NECTIN3: variants seen among roughly 807,000 people sequenced by gnomAD.
NECTIN3 encodes the protein nectin cell adhesion molecule 3.
Under a neutral mutation model 49.4 loss-of-function variants are expected in NECTIN3, and 8 were observed. The ratio of observed to expected loss-of-function variants is 0.16; its 90% CI spans 0.10 to 0.29. NECTIN3 has a LOEUF of 0.29. NECTIN3 is among the 10% of genes least tolerant of loss of function. The pLI is 1.00. For missense variants in NECTIN3, 581 were observed against 654.6 expected, an observed-to-expected ratio of 0.89 and a Z score of 1.23; for synonymous variants, 277 against 241.1, an observed-to-expected ratio of 1.15 and a Z score of -1.38.
intron 1 of NECTIN3, among the ~76,000 whole-genome samples, chr3:111,096,876 T>A (rs1377744623): frequency 6.6e-6 from 1 of 152,174 alleles, no homozygotes; most frequent in Non-Finnish European, 1.5e-5. Context: ...GTTGGGGCCC[T>A]CATGGAGAAT....
Position 111,147,437 on chromosome 3 carries a change from C to G in NECTIN3, c.1174C>G (p.Leu392Val), listed in dbSNP as rs942512497. The G allele has an allele frequency of 1.6e-5, 24 of 1,533,418 alleles. 1 individual carries two copies. The highest frequency in any genetic ancestry group is 4.9e-5 in the East Asian group (2 of 40,768). 95.0% of individuals were successfully genotyped at this position (1,533,418 alleles called of 1,614,324 possible). The change falls in exon 7 of 9, where the codon CTG (leucine) becomes GTG (valine). Residue 392 changes from leucine to valine, a missense_variant. By Grantham distance (32) the Leu-to-Val change is conservative. Transcript: ENST00000493615. ...TCCACCCACACATAAACCACCTCCT[C>G]TGTATGAAGAACGATCCCCACCTTT...
intron 7 of NECTIN3, among the ~76,000 whole-genome samples, chr3:111,150,419 C>T (rs1479721724): frequency 6.6e-6 from 1 of 151,808 alleles, no homozygotes; most frequent in Non-Finnish European, 1.5e-5. Flanking sequence ...TATAAGAACA[C>T]ATGTCAGTTT....
chr3:111,137,445 G>T lies in NECTIN3; in HGVS notation c.*3230G>T. 1 of 944,778 alleles carries T rather than the reference G, an allele frequency of 1.1e-6. No homozygotes were observed. The highest frequency in any genetic ancestry group is 1.3e-6 in the Non-Finnish European group (1 of 795,878). The allele number at this position is 944,778 out of a possible 1,614,324, so 58.5% of individuals were successfully genotyped here. The stretch of plus-strand genomic sequence containing the variant: ...GGTTTTGTTGTGTTTGGTGTTTTTT[G>T]TTTTGTTTTGTTTTGTTTTGTTTTT... On this transcript the variant is annotated 3_prime_UTR_variant, in exon 6 of 6. Coordinates refer to ENST00000485303, the MANE Select transcript of NECTIN3 (RefSeq NM_015480.3).
At chr3:111,072,707 T>G (rs1185626059) in intron 1 of NECTIN3, 1 of 884,574 alleles carries the variant, frequency 1.1e-6, no homozygotes, top group African/African-American at 1.7e-5. Context: ...TTCTTCTGTC[T>G]TGTGCCCACT....
At chr3:111,128,305 C>T (rs1468207675) in intron 5 of NECTIN3, among the ~76,000 whole-genome samples, 1 of 144,914 alleles carries the variant, frequency 6.9e-6, no homozygotes, top group African/African-American at 2.6e-5. Context: ...CCATGGATGA[C>T]AGAGCGAAAC....
At chr3:111,149,545 G>A (rs182719165) in intron 7 of NECTIN3, among the ~76,000 whole-genome samples, 9 of 149,596 alleles carry the variant, frequency 6.0e-5, no homozygotes, top group Admixed American at 4.7e-4. Context: ...CCACATTCCT[G>A]TTAGGTTTAC....
intron 2 of NECTIN3, among the ~76,000 whole-genome samples, chr3:111,116,510 A>G (rs989979344): frequency 1.3e-5 from 2 of 152,254 alleles, no homozygotes; most frequent in East Asian, 1.9e-4. Context: ...GAGACTAGAC[A>G]TAAAAGTGTT....
chr3:111,188,121 A>G (rs551018492), upstream of NECTIN3, among the ~76,000 whole-genome samples: 1 of 152,222 alleles, frequency 6.6e-6, no homozygotes, highest in Admixed American at 6.5e-5. Context: ...AAATAAAAAG[A>G]GACGCTAGTT....
At chr3:111,077,785 T>TG (rs2031321405) in intron 1 of NECTIN3, among the ~76,000 whole-genome samples, 1 of 152,240 alleles carries the variant, frequency 6.6e-6, no homozygotes, top group South Asian at 2.1e-4. Context: ...TCATTATTTG[T>TG]ATTCCCATGT....
intron 4 of NECTIN3, among the ~76,000 whole-genome samples, chr3:111,123,706 AT>A (rs1355509921): frequency 3.3e-5 from 5 of 151,350 alleles, no homozygotes; most frequent in Non-Finnish European, 5.9e-5. Context: ...TGAACTCCAA[AT>A]TTTTTTTTGG....
intron 2 of NECTIN3, among the ~76,000 whole-genome samples, chr3:111,113,281 A>G (rs992695937): frequency 1.3e-5 from 2 of 152,154 alleles, no homozygotes; most frequent in African/African-American, 4.8e-5. Context: ...GAATATGACC[A>G]TTGGCCTGAA....
At chr3:111,177,804 T>C (rs1272672988) in intron 7 of NECTIN3, among the ~76,000 whole-genome samples, 1 of 152,208 alleles carries the variant, frequency 6.6e-6, no homozygotes, top group Non-Finnish European at 1.5e-5. Context: ...TGGAAAACAG[T>C]GCATATGTGC....
chr3:111,130,658 G>A (rs1157769225), intron 5 of NECTIN3, among the ~76,000 whole-genome samples: 5 of 152,016 alleles, frequency 3.3e-5, no homozygotes, highest in South Asian at 2.1e-4. Context: ...GAGGGAAATT[G>A]TTCTTAATTT....
chr3:111,134,553 C>T lies in NECTIN3; in HGVS notation c.*338C>T. On this transcript the variant is annotated 3_prime_UTR_variant, in exon 6 of 6. Coordinates refer to ENST00000485303, the MANE Select transcript of NECTIN3 (RefSeq NM_015480.3). Reference sequence around the variant, plus strand: ...TTTTTTAAAAAGGGAACTACCTTGACATTGTGTATTAAATGTTTACCTAAG... The same window carrying T: ...TTTTTTAAAAAGGGAACTACCTTGATATTGTGTATTAAATGTTTACCTAAG... 1 of 970,256 alleles carries T rather than the reference C, an allele frequency of 1.0e-6. No individual in the cohort carries two copies. The highest frequency in any genetic ancestry group is 1.2e-6 in the Non-Finnish European group (1 of 810,982). The allele number at this position is 970,256 out of a possible 1,614,324, so 60.1% of individuals were successfully genotyped here.
chr3:111,097,151 G>C (rs1479949213), intron 1 of NECTIN3, among the ~76,000 whole-genome samples: 1 of 152,218 alleles, frequency 6.6e-6, no homozygotes, highest in African/African-American at 2.4e-5. Flanking sequence ...TGTTGTATCA[G>C]CGTGACCTGG....
intron 3 of NECTIN3, among the ~76,000 whole-genome samples, chr3:111,119,423 C>T (rs932592467): frequency 2.0e-5 from 3 of 152,202 alleles, no homozygotes; most frequent in African/African-American, 7.2e-5. Flanking sequence ...CTTCCGCCTC[C>T]CGGGTTCAAG....
intron 1 of NECTIN3, among the ~76,000 whole-genome samples, chr3:111,078,489 A>G (rs1463171279): frequency 6.6e-6 from 1 of 152,144 alleles, no homozygotes; most frequent in African/African-American, 2.4e-5. Flanking sequence ...CTAATGATAT[A>G]CCCCCTCATG....
chr3:111,176,975 T>C (rs1156926295), intron 7 of NECTIN3, among the ~76,000 whole-genome samples: 1 of 152,176 alleles, frequency 6.6e-6, no homozygotes, highest in Non-Finnish European at 1.5e-5. Flanking sequence ...GGAACTAAAA[T>C]ACATTCCGTA....
In NECTIN3 at chr3:111,136,588, TTAAA is replaced by T. The variant is rs1427415846; in HGVS notation, c.*2378_*2381del. ...ACTTGTTTGAAAACATGAATAGTCATTAAATAAAGACATTGTTAAATTAGTTTTT... is the reference window on the plus strand; with the variant it reads ...ACTTGTTTGAAAACATGAATAGTCATTAAAGACATTGTTAAATTAGTTTTT... On this transcript the variant is annotated 3_prime_UTR_variant, in exon 6 of 6. Coordinates refer to ENST00000485303, the MANE Select transcript of NECTIN3 (RefSeq NM_015480.3). 2.5e-5 allele frequency: 23 copies of T among 929,560 alleles called. No individual in the cohort carries two copies. The highest frequency in any genetic ancestry group is 5.4e-4 in the Middle Eastern group (1 of 1,840). 57.6% of individuals were successfully genotyped at this position (929,560 alleles called of 1,614,324 possible). A position where few individuals can be genotyped will look rare whatever the true frequency, so the allele number is the denominator to read the frequency against.
Sources: gnomAD v4.1 joint callset for allele counts (sites outside exome capture counted in the v4.1 genomes callset) on GRCh38, gnomAD v4.1.1 for gene constraint, MANE v1.5 for transcripts, NCBI Gene and HGNC (gene_info 2026-07-23, HGNC 2026-07-21) for gene names.